The following FAM227B variants were observed in gnomAD, a reference collection of about 807,000 sequenced individuals.
FAM227B encodes the protein family with sequence similarity 227 member B, also known as protein FAM227B.
FAM227B carries 88 observed loss-of-function variants against 73.8 expected under a neutral mutation model. The ratio of observed to expected loss-of-function variants is 1.19; its 90% confidence interval spans 1.00 to 1.42. The LOEUF (loss-of-function observed/expected upper bound fraction) is 1.42. Ranked by LOEUF, FAM227B falls within the 40% of genes most tolerant of loss-of-function variation. The pLI, the probability that FAM227B is intolerant of heterozygous loss-of-function variation, is 0.00. For missense variants in FAM227B, 632 were observed against 590.9 expected, an observed-to-expected ratio of 1.07 and a Z score of -0.72; for synonymous variants, 210 against 190.5, an observed-to-expected ratio of 1.10 and a Z score of -0.84.
chr15:49,445,860 G>A lies in FAM227B; in HGVS notation c.1012+62351C>T, dbSNP rs1257312396. ...TCAGATAATTTCAAACTAAAATTTA[G>A]TATGATCATTTGAAATTAGATAGAA... On this transcript the variant is annotated intron_variant, in intron 11 of 15. Coordinates refer to ENST00000299338, the MANE Select transcript of FAM227B (RefSeq NM_152647.3). Among the ~76,000 whole-genome samples the A allele has an allele frequency of 2.0e-5, 3 of 151,390 alleles. No homozygotes were observed. In the East Asian group the frequency reaches 5.8e-4, roughly 29 times the overall value.
rs1239764424 is a variant in FAM227B at position 49,357,284 on chromosome 15, G to A, written c.1271+10164C>T. On this transcript the variant is annotated intron_variant, in intron 13 of 15. Coordinates refer to ENST00000299338, the MANE Select transcript of FAM227B (RefSeq NM_152647.3). Reference sequence around the variant, plus strand: ...ACACAAAAAACCCTTCAAAAAATTAGTGAATCCAGGAGCTGGTTTTTTGAA... The same window carrying A: ...ACACAAAAAACCCTTCAAAAAATTAATGAATCCAGGAGCTGGTTTTTTGAA... 3.5e-4 allele frequency among the ~76,000 whole-genome samples: 51 copies of A among 147,658 alleles called. No homozygotes were observed. The South Asian group carries it at 8.1e-3, about 24-fold the overall frequency.
intron 10 of FAM227B, among the ~76,000 whole-genome samples, chr15:49,521,293 A>G (rs956515119): frequency 6.6e-6 from 1 of 152,196 alleles, no homozygotes; most frequent in African/African-American, 2.4e-5. Flanking sequence ...AGCCCTTAGC[A>G]TGGGCTGCCC....
intron 11 of FAM227B, among the ~76,000 whole-genome samples, chr15:49,379,448 T>C (rs945665288): frequency 1.3e-5 from 2 of 152,148 alleles, no homozygotes; most frequent in African/African-American, 4.8e-5. Context: ...AGACTTTTTG[T>C]TAGGACTTTG....
At chr15:49,605,769 T>C (rs2077481053) in intron 3 of FAM227B, among the ~76,000 whole-genome samples, 1 of 152,140 alleles carries the variant, frequency 6.6e-6, no homozygotes, top group Non-Finnish European at 1.5e-5. Flanking sequence ...GGAGTGGGCC[T>C]GGAGCCTGGG....
intron 11 of FAM227B, among the ~76,000 whole-genome samples, chr15:49,476,982 C>G (rs943038880): frequency 2.0e-5 from 3 of 151,422 alleles, no homozygotes; most frequent in Non-Finnish European, 2.9e-5. Flanking sequence ...ATGGTGCAAA[C>G]CTGGGAGGCG....
chr15:49,536,675 G>T (rs1043716597), intron 10 of FAM227B, among the ~76,000 whole-genome samples: 3 of 151,822 alleles, frequency 2.0e-5, no homozygotes, highest in Non-Finnish European at 4.4e-5. Flanking sequence ...AAAAGCTATA[G>T]AAATAATAAT....
At chr15:49,331,271 C>T (rs954005768) in intron 15 of FAM227B, 3 of 153,718 alleles carry the variant, frequency 2.0e-5, no homozygotes, top group Non-Finnish European at 1.4e-5. Flanking sequence ...TCAGACTTAA[C>T]AAGAATGCCC....
At chr15:49,439,876 A>C (rs552483078) in intron 11 of FAM227B, among the ~76,000 whole-genome samples, 1 of 151,802 alleles carries the variant, frequency 6.6e-6, no homozygotes, top group Non-Finnish European at 1.5e-5. Flanking sequence ...TCTGGAAGGA[A>C]GCCATGAGAT....
In FAM227B at chr15:49,516,765, A is replaced by G. The variant is rs2059406628; in HGVS notation, c.875-8417T>C. ...CCCAAAACTATGAATATGTCTTGTT[A>G]TATGGTGAAGGGGACTTAAGGGAGA... On this transcript the variant is annotated intron_variant, in intron 10 of 15. Coordinates refer to ENST00000299338, the MANE Select transcript of FAM227B (RefSeq NM_152647.3). Among the ~76,000 whole-genome samples the G allele has an allele frequency of 2.0e-5, 3 of 152,172 alleles. No individual in the cohort carries two copies. The South Asian group carries it at 6.2e-4, about 32-fold the overall frequency.
At chr15:49,416,928 T>C (rs1234415967) in intron 11 of FAM227B, among the ~76,000 whole-genome samples, 2 of 152,156 alleles carry the variant, frequency 1.3e-5, no homozygotes, top group African/African-American at 2.4e-5. Context: ...TGTTCATGGA[T>C]AGGAAGAATC....
chr15:49,356,187 G>C (rs566178336), intron 13 of FAM227B, among the ~76,000 whole-genome samples: 20 of 151,786 alleles, frequency 1.3e-4, no homozygotes, highest in Middle Eastern at 3.4e-3. Context: ...ATCAACTAAC[G>C]AGCAAAATAA....
intron 2 of FAM227B, among the ~76,000 whole-genome samples, chr15:49,614,296 G>A (rs1382181150): frequency 1.3e-5 from 2 of 152,060 alleles, no homozygotes; most frequent in Non-Finnish European, 2.9e-5. Context: ...ACACTTCCAT[G>A]ATAATAATAA....
At chr15:49,357,360 A>T (rs2043336035) in intron 13 of FAM227B, among the ~76,000 whole-genome samples, 1 of 150,038 alleles carries the variant, frequency 6.7e-6, no homozygotes, top group Admixed American at 6.7e-5. Flanking sequence ...AGAAAAAAAG[A>T]GAGAAGAATC....
intron 11 of FAM227B, chr15:49,396,040 G>A (rs1350638351): frequency 8.8e-6 from 4 of 453,552 alleles, no homozygotes; most frequent in East Asian, 7.0e-5. Context: ...CTCCCAGCGT[G>A]AGCGACGCAG....
intron 11 of FAM227B, among the ~76,000 whole-genome samples, chr15:49,495,029 CAA>C (rs906307306): frequency 1.3e-5 from 2 of 152,090 alleles, no homozygotes; most frequent in African/African-American, 4.8e-5. Context: ...CTCAGGTATT[CAA>C]AGTCTTATCA....
At chr15:49,608,204 G>A (rs1009052879) in intron 3 of FAM227B, among the ~76,000 whole-genome samples, 1 of 152,146 alleles carries the variant, frequency 6.6e-6, no homozygotes, top group South Asian at 2.1e-4. Flanking sequence ...ACATTATAGC[G>A]CTGTGGTCCT....
intron 3 of FAM227B, among the ~76,000 whole-genome samples, chr15:49,605,077 T>C (rs1857651963): frequency 6.6e-6 from 1 of 152,140 alleles, no homozygotes; most frequent in African/African-American, 2.4e-5. Context: ...GTTACTTTGG[T>C]GATGTCATGT....
At chr15:49,580,119 CA>C (rs2075718237) in intron 5 of FAM227B, among the ~76,000 whole-genome samples, 1 of 152,068 alleles carries the variant, frequency 6.6e-6, no homozygotes, top group Non-Finnish European at 1.5e-5. Flanking sequence ...TTGATAAATC[CA>C]ATAAAACTTT....
intron 2 of FAM227B, among the ~76,000 whole-genome samples, chr15:49,612,458 A>T (rs1035789471): frequency 6.6e-6 from 1 of 152,196 alleles, no homozygotes; most frequent in African/African-American, 2.4e-5. Context: ...TCCATGGTGT[A>T]TATGTGAATC....
Sources: gnomAD v4.1 joint callset for allele counts (sites outside exome capture counted in the v4.1 genomes callset) on GRCh38, gnomAD v4.1.1 for gene constraint, MANE v1.5 for transcripts, NCBI Gene and HGNC (gene_info 2026-07-23, HGNC 2026-07-21) for gene names.